ABCA3: variants seen among roughly 807,000 people sequenced by gnomAD.
ABCA3 encodes ATP binding cassette subfamily A member 3.
Under a neutral mutation model 172.8 loss-of-function variants are expected in ABCA3, and 88 were observed. That is an observed-to-expected ratio of 0.51 (90% confidence interval 0.43 to 0.61). The LOEUF (loss-of-function observed/expected upper bound fraction) is 0.61, where lower values mean the gene tolerates loss of function less well. Ranked by LOEUF, ABCA3 falls within the 20% of genes least tolerant of loss-of-function variation. ABCA3 has a pLI of 0.00. For synonymous variants in ABCA3, 1,066 were observed against 983.8 expected (o/e 1.08, Z -1.56); for missense variants, 2,164 against 2,301.0 (o/e 0.94, Z 1.22).
chr16:2,289,408 A>ACCC, intron 20 of ABCA3, 26 bp downstream of exon 20: 1 of 1,054,108 alleles, frequency 9.5e-7, no homozygotes, highest in Non-Finnish European at 1.4e-6. Context: ...TTCCCCCGCC[A>ACCC]CCCGCCCACC....
rs2093660447 is a variant in ABCA3 at position 2,284,927 on chromosome 16, G to T, written c.3555C>A (p.Leu1185=). 1 of 1,613,866 alleles carries T rather than the reference G, an allele frequency of 6.2e-7. No individual in the cohort carries two copies. Among genetic ancestry groups the T allele is most frequent in the Admixed American group, 1.7e-5 (1 of 60,004 alleles). Residue 1185 remains leucine (L), a synonymous_variant, in exon 24 of 33, where the codon CTC becomes CTA. Transcript: ENST00000301732. This position sits in a 1 kb window ranked among gnomAD's most constrained non-coding sequence, Gnocchi z 5.9. ...DGHMADTLLL[L]LLYGWAIIPL... ...GGATGATGGCCCAGCCGTAGAGCAG[G>T]AGCAGCAGCAGGGTGTCAGCCATGT...
intron 10 of ABCA3, among the ~76,000 whole-genome samples, chr16:2,314,375 C>A (rs190285801): frequency 6.6e-6 from 1 of 151,946 alleles, no homozygotes; most frequent in East Asian, 1.9e-4. Flanking sequence ...AGCATATAAA[C>A]ACTGTACGAT....
chr16:2,316,490 C>CGA (rs2093715967), intron 10 of ABCA3, among the ~76,000 whole-genome samples: 4 of 28,866 alleles, frequency 1.4e-4, no homozygotes. Context: ...ACTAAAAATG[C>CGA]AAAAAAAAAA....
At chr16:2,291,644 A>G (rs1041968537) in intron 19 of ABCA3, among the ~76,000 whole-genome samples, 3 of 152,002 alleles carry the variant, frequency 2.0e-5, no homozygotes, top group African/African-American at 7.3e-5. Context: ...TCCCACGCAC[A>G]CCAATGTTGC....
chr16:2,309,530 C>T (rs1381194259), intron 10 of ABCA3, among the ~76,000 whole-genome samples: 3 of 152,130 alleles, frequency 2.0e-5, no homozygotes, highest in Non-Finnish European at 2.9e-5. Context: ...GAGAAGGAGC[C>T]GGAAGAGGTG....
At chr16:2,325,022 T>C (rs771928958) in intron 5 of ABCA3, among the ~76,000 whole-genome samples, 3 of 152,184 alleles carry the variant, frequency 2.0e-5, no homozygotes, top group Non-Finnish European at 4.4e-5. Flanking sequence ...CTCTGAGTAT[T>C]TGCTACAAGG....
intron 4 of ABCA3, 58 bp downstream of exon 4, chr16:2,326,355 T>C: frequency 6.2e-7 from 1 of 1,611,856 alleles, no homozygotes; most frequent in South Asian, 1.1e-5. Flanking sequence ...CTCAAGGGCA[T>C]CCCCAGGAGC....
chr16:2,304,239 T>A, intron 11 of ABCA3, 89 bp from the exon 12 acceptor site: 1 of 1,433,148 alleles, frequency 7.0e-7, no homozygotes, highest in South Asian at 1.1e-5. Flanking sequence ...GTGTGCACAT[T>A]TGACCTTGCA....
In ABCA3 at chr16:2,281,337, T is replaced by TAG. The variant is rs1567336750; in HGVS notation, c.4164+42_4164+43dup. On this transcript the variant is annotated intron_variant, in intron 27 of 32. Coordinates refer to ENST00000301732, the MANE Select transcript of ABCA3 (RefSeq NM_001089.3). The surrounding 1 kb of genome is among the most constrained non-coding windows in gnomAD (Gnocchi z 4.7). ...GGGTCGGACCCTGGGGACAGCCAGGTAGTCAGCTGGCAGGAAGGACTCCAC... is the reference window on the plus strand; with the variant it reads ...GGGTCGGACCCTGGGGACAGCCAGGTAGAGTCAGCTGGCAGGAAGGACTCCAC... The TAG allele has an allele frequency of 6.2e-7, 1 of 1,613,206 alleles. No homozygotes were observed. Among genetic ancestry groups the TAG allele is most frequent in the South Asian group, 1.1e-5 (1 of 91,074 alleles).
rs1158109246 is a variant in ABCA3 at position 2,286,281 on chromosome 16, C to A, written c.3278+413G>T. 6.6e-6 allele frequency among the ~76,000 whole-genome samples: 1 copy of A among 152,210 alleles called. No individual in the cohort carries two copies. The highest frequency in any genetic ancestry group is 2.4e-5 in the African/African-American group (1 of 41,460). Reference sequence around the variant, plus strand: ...ACACAATGGCATGGCAGGCTCCCGACGTGCGGCCATCTGAGGAACAGGGAC... The same window carrying A: ...ACACAATGGCATGGCAGGCTCCCGAAGTGCGGCCATCTGAGGAACAGGGAC... On this transcript the variant is annotated intron_variant, in intron 22 of 32. Transcript: ENST00000301732. The surrounding 1 kb of genome is among the most constrained non-coding windows in gnomAD (Gnocchi z 5.2).
chr16:2,288,045 C>T lies in ABCA3; in HGVS notation c.2985G>A (p.Gln995=). 1 of 1,609,800 alleles carries T rather than the reference C, an allele frequency of 6.2e-7. No homozygotes were observed. Among genetic ancestry groups the T allele is most frequent in the South Asian group, 1.1e-5 (1 of 91,074 alleles). ...HLKDALQAEG[Q]EPREVLGDLE... Reference sequence around the variant, plus strand: ...CCTTACCGAGCACCTCGCGGGGCTCCTGTCCCTCAGCCTGCAGTGCGTCTT... The same window carrying T: ...CCTTACCGAGCACCTCGCGGGGCTCTTGTCCCTCAGCCTGCAGTGCGTCTT... The change falls in exon 21 of 33, where the codon CAG becomes CAA. Residue 995 remains glutamine, a synonymous_variant. Transcript: ENST00000301732.
Position 2,308,581 on chromosome 16 carries a change from G to A in ABCA3, c.1154C>T (p.Thr385Ile), listed in dbSNP as rs753796223. 2.5e-6 allele frequency: 4 copies of A among 1,614,098 alleles called. No homozygotes were observed. Among genetic ancestry groups the A allele is most frequent in the Non-Finnish European group, 1.7e-6 (2 of 1,180,040 alleles). Residue 385 changes from threonine (T) to isoleucine (I), a missense_variant, in exon 11 of 33, where the codon ACC becomes ATC. Physicochemically the swap from Thr to Ile is moderately conservative, Grantham distance 89. Transcript: ENST00000301732. ...AAFGGFLYFFTYIPYFFVAPR... is the reference protein window; with the variant it reads ...AAFGGFLYFFIYIPYFFVAPR... ...GGCCACGAAGAAGTAGGGGATGTAG[G>A]TGAAGAAGTAGAGGAAGCCTCCGAA...
intron 5 of ABCA3, among the ~76,000 whole-genome samples, chr16:2,324,937 T>C (rs2093732007): frequency 6.6e-6 from 1 of 152,206 alleles, no homozygotes; most frequent in Non-Finnish European, 1.5e-5. Context: ...AAAGGCTTTT[T>C]CTATCATCTG....
chr16:2,304,038 C>T lies in ABCA3; in HGVS notation c.1398G>A (p.Val466=). 6.2e-7 allele frequency: 1 copy of T among 1,614,212 alleles called. No homozygotes were observed. Among genetic ancestry groups the T allele is most frequent in the Non-Finnish European group, 8.5e-7 (1 of 1,180,034 alleles). The change falls in exon 12 of 33, where the codon GTG becomes GTA. Residue 466 remains valine, a synonymous_variant. Transcript: ENST00000301732. ...LLLDSVLYGL[V]TWYMEAVFPG... The stretch of plus-strand genomic sequence containing the variant: ...GGAAGACGGCCTCCATGTACCAGGT[C>T]ACCAGGCCATAGAGCACAGAGTCCA...
chr16:2,305,371 G>A (rs574067294), intron 11 of ABCA3, among the ~76,000 whole-genome samples: 8 of 152,170 alleles, frequency 5.3e-5, no homozygotes, highest in Non-Finnish European at 5.9e-5. Flanking sequence ...ATCTTGGCTC[G>A]CTGCAGCCTC....
intron 1 of ABCA3, among the ~76,000 whole-genome samples, chr16:2,330,743 G>A (rs2093741877): frequency 6.8e-6 from 1 of 146,030 alleles, no homozygotes. Context: ...CTGTCTCCCA[G>A]GTTGGAGTGC....
chr16:2,284,255 C>T lies in ABCA3; in HGVS notation c.3862+24G>A, dbSNP rs369254373. On this transcript the variant is annotated intron_variant, in intron 25 of 32. Coordinates refer to ENST00000301732, the MANE Select transcript of ABCA3 (RefSeq NM_001089.3). This position sits in a 1 kb window ranked among gnomAD's most constrained non-coding sequence, Gnocchi z 5.9. ...GTCCTGAGGACGCAGGGGTGCTGCC[C>T]GGGGTCGGGGCTGGGACACTCACTA... 38 of 1,607,388 alleles carry T rather than the reference C, an allele frequency of 2.4e-5. No individual in the cohort carries two copies. Among genetic ancestry groups the T allele is most frequent in the South Asian group, 4.4e-5 (4 of 90,660 alleles).
rs759737081 is a variant in ABCA3, at chr16:2,319,869, C to T, written c.614-29G>A. On this transcript the variant is annotated intron_variant, in intron 7 of 32. Transcript: ENST00000301732. ...GGTGCGGGAGCAGAGGATGGCCCAG[C>T]CACCTCGAGGAGCTGCTCTCGAGGG... 7.4e-6 allele frequency: 12 copies of T among 1,612,222 alleles called. No homozygotes were observed. The East Asian group carries it at 8.9e-5, about 12-fold the overall frequency.
In ABCA3 at chr16:2,285,497, A is replaced by G. The variant is rs747743278; in HGVS notation, c.3428T>C (p.Leu1143Pro). The change falls in exon 23 of 33, where the codon CTC (leucine) becomes CCC (proline). Residue 1143 changes from leucine (L) to proline (P), a missense_variant. Around this residue, in one of 3 missense-constraint regions of ABCA3, gnomAD observed 795 missense variants for 881.9 expected, o/e 0.90. Coordinates refer to ENST00000301732, the MANE Select transcript of ABCA3 (RefSeq NM_001089.3). The surrounding 1 kb of genome is among the most constrained non-coding windows in gnomAD (Gnocchi z 4.7). ...VSGVHVASFW[L>P]SALLWDLISF... ...GATGAGGTCCCACAGCAGAGCAGAG[A>G]GCCAGAAACTGGCCACGTGGACTCC... The G allele has an allele frequency of 5.6e-6, 9 of 1,611,718 alleles. No homozygotes were observed. Among genetic ancestry groups the G allele is most frequent in the Non-Finnish European group, 7.6e-6 (9 of 1,178,994 alleles).
Sources: allele counts gnomAD v4.1 joint callset (sites outside exome capture counted in the v4.1 genomes callset), GRCh38; gene constraint gnomAD v4.1.1; regional missense constraint gnomAD v4.1.1; non-coding constraint Gnocchi (gnomAD v3.1); transcripts MANE v1.5; gene names NCBI Gene and HGNC (gene_info 2026-07-23, HGNC 2026-07-21).